The following SGCD variants were observed in gnomAD, a reference collection of about 807,000 sequenced individuals.
SGCD encodes delta-sarcoglycan.
Under a neutral mutation model 36.6 loss-of-function variants are expected in SGCD, and 18 were observed. That is an observed-to-expected ratio of 0.49 (90% CI 0.34 to 0.73). SGCD has a LOEUF of 0.73. Among genes scored for constraint, SGCD ranks in the 30% least tolerant of loss-of-function variants. SGCD has a pLI of 0.01. For synonymous variants in SGCD, 133 were observed against 130.6 expected, an observed-to-expected ratio of 1.02 and a Z score of -0.12; for missense variants, 387 against 346.7, an observed-to-expected ratio of 1.12 and a Z score of -0.92.
At chr5:156,643,973 A>G (rs1435698500) in intron 6 of SGCD, among the ~76,000 whole-genome samples, 1 of 152,140 alleles carries the variant, frequency 6.6e-6, no homozygotes, top group African/African-American at 2.4e-5. Flanking sequence ...TTTAGTTCAT[A>G]TTCATTAATA....
chr5:156,245,422 A>G (rs908618226), intron 3 of SGCD, among the ~76,000 whole-genome samples: 1 of 152,230 alleles, frequency 6.6e-6, no homozygotes, highest in Non-Finnish European at 1.5e-5. Context: ...TTGAGATAAT[A>G]GAACCAGGCA....
rs370383940 is a variant in SGCD at position 156,720,776 on chromosome 5, C to T, written c.576-36805C>T. ...ACCTTTTGCTCATAAAGTTTGCTTT[C>T]TAAGGATTACTACTTTGGTCCAGAT... is the stretch of plus-strand genomic sequence containing the variant. On this transcript the variant is annotated intron_variant, in intron 7 of 8. Transcript: ENST00000337851. Among the ~76,000 whole-genome samples, 4 of 152,282 alleles carry T rather than the reference C, an allele frequency of 2.6e-5. No individual in the cohort carries two copies. The East Asian group carries it at 7.7e-4, about 29-fold the overall frequency.
In SGCD at chr5:156,414,911, C is replaced by A. The variant is rs116936502; in HGVS notation, c.192+70234C>A. Among the ~76,000 whole-genome samples the A allele has an allele frequency of 3.4e-4, 52 of 152,256 alleles. No individual in the cohort carries two copies. In the East Asian group the frequency reaches 8.9e-3, roughly 26 times the overall value. On this transcript the variant is annotated intron_variant, in intron 3 of 8. Coordinates refer to ENST00000337851, the MANE Select transcript of SGCD (RefSeq NM_000337.6). ...AGGCACTACTATTGTGATGAAAAAT[C>A]AGATTTTGCACTGTTCTAGGTAGCT... is the stretch of plus-strand genomic sequence containing the variant.
rs114886317 is a variant in SGCD at position 156,111,697 on chromosome 5, C to T, written c.-281-6181C>T. On this transcript the variant is annotated intron_variant, in intron 1 of 9. Coordinates refer to the SGCD transcript ENST00000517913. ...AAAAGCAGTCACAATTAATCCTTTA[C>T]CATGTATGTGCACATGGATTGTGGA... Among the ~76,000 whole-genome samples the T allele has an allele frequency of 5.0e-3, 760 of 152,174 alleles. 5 individuals carry two copies. The highest frequency in any genetic ancestry group is 0.018 in the African/African-American group (735 of 41,532).
intron 3 of SGCD, among the ~76,000 whole-genome samples, chr5:156,438,453 A>T (rs1753338386): frequency 6.6e-6 from 1 of 152,074 alleles, no homozygotes; most frequent in Non-Finnish European, 1.5e-5. Context: ...CTTTTTCAAA[A>T]GGTTGTTTTT....
At position 156,757,581 on chromosome 5, in the gene SGCD, G is replaced by A; in HGVS notation, c.576G>A (p.Arg192=). ...ATTGACGATCTTGGGTGTTTTTCAG[G>A]TTGGAGTCCCCAACCCGGTCTCTAG... ...NVRADPFKEL[R]LESPTRSLVM... is the part of the protein sequence containing the mutation. Residue 192 remains arginine (R), a splice_region_variant and synonymous_variant, in exon 8 of 9, where the codon AGG becomes AGA. Transcript: ENST00000337851. 3 of 1,595,504 alleles carry A rather than the reference G, an allele frequency of 1.9e-6. No homozygotes were observed. The highest frequency in any genetic ancestry group is 2.2e-5 in the East Asian group (1 of 44,606).
At chr5:156,186,769 T>C (rs1326010894) in intron 3 of SGCD, among the ~76,000 whole-genome samples, 1 of 152,226 alleles carries the variant, frequency 6.6e-6, no homozygotes, top group African/African-American at 2.4e-5. Context: ...TTCAAGACCC[T>C]GAAATCTCTG....
intron 4 of SGCD, among the ~76,000 whole-genome samples, chr5:156,552,885 A>G (rs1192569967): frequency 1.3e-5 from 2 of 152,002 alleles, no homozygotes; most frequent in African/African-American, 4.8e-5. Context: ...AGCTCCTTCC[A>G]CCTTAAAGAG....
In SGCD at chr5:155,922,875, G is replaced by A. The variant is rs549592671; in HGVS notation, c.-282+52451G>A. On this transcript the variant is annotated intron_variant, in intron 1 of 9. Transcript: ENST00000517913. Reference sequence around the variant, plus strand: ...GACCAATAAATCACCAGAAGCTCCAGCCCAATCAATGCCCACTGAAAAATT... The same window carrying A: ...GACCAATAAATCACCAGAAGCTCCAACCCAATCAATGCCCACTGAAAAATT... 3.9e-5 allele frequency among the ~76,000 whole-genome samples: 6 copies of A among 152,290 alleles called. No homozygotes were observed. The South Asian group carries it at 1.0e-3, about 26-fold the overall frequency.
intron 3 of SGCD, among the ~76,000 whole-genome samples, chr5:156,468,240 C>G (rs1425628054): frequency 1.3e-5 from 2 of 149,436 alleles, no homozygotes; most frequent in African/African-American, 2.5e-5. Context: ...ACTTGGGAGG[C>G]TAAGGTGGGA....
intron 3 of SGCD, among the ~76,000 whole-genome samples, chr5:156,185,506 G>A (rs533179514): frequency 5.2e-4 from 79 of 152,086 alleles, no homozygotes; most frequent in East Asian, 7.7e-4. Context: ...GAGCCACCGC[G>A]CCTGGCCTCT....
intron 1 of SGCD, among the ~76,000 whole-genome samples, chr5:155,950,370 C>T (rs1489079195): frequency 6.6e-6 from 1 of 152,140 alleles, no homozygotes; most frequent in East Asian, 1.9e-4. Context: ...AATAATTGAA[C>T]TGTCTTAGGT....
At chr5:156,549,393 T>C (rs1334748705) in intron 4 of SGCD, among the ~76,000 whole-genome samples, 1 of 152,238 alleles carries the variant, frequency 6.6e-6, no homozygotes, top group Admixed American at 6.5e-5. Context: ...CTGTTGAACA[T>C]ACTTGGCTGC....
Position 156,153,329 on chromosome 5 carries a change from A to G in SGCD, c.-44+29310A>G, listed in dbSNP as rs148923656. Among the ~76,000 whole-genome samples the G allele has an allele frequency of 7.9e-3, 1,195 of 151,168 alleles. 9 individuals carry two copies. Among genetic ancestry groups the G allele is most frequent in the Middle Eastern group, 0.014 (4 of 292 alleles). Reference sequence around the variant, plus strand: ...GTGTATGGAAATCCAGGCTGTGATGAGGTTTTTAACGTGGGCCTTGGTTTT... The same window carrying G: ...GTGTATGGAAATCCAGGCTGTGATGGGGTTTTTAACGTGGGCCTTGGTTTT... On this transcript the variant is annotated intron_variant, in intron 3 of 9. Transcript: ENST00000517913.
At chr5:156,496,240 C>T (rs546212097) in intron 3 of SGCD, among the ~76,000 whole-genome samples, 2 of 152,214 alleles carry the variant, frequency 1.3e-5, no homozygotes, top group Middle Eastern at 3.4e-3. Flanking sequence ...ACAGGTTTGT[C>T]TGTGTTTGAC....
intron 1 of SGCD, among the ~76,000 whole-genome samples, chr5:156,099,793 A>G (rs1761475958): frequency 6.6e-6 from 1 of 151,954 alleles, no homozygotes; most frequent in African/African-American, 2.4e-5. Flanking sequence ...TAATAAATAT[A>G]TTATTATAAA....
intron 3 of SGCD, among the ~76,000 whole-genome samples, chr5:156,487,244 A>C (rs1361717587): frequency 6.6e-6 from 1 of 152,218 alleles, no homozygotes; most frequent in East Asian, 1.9e-4. Flanking sequence ...GACACCATTC[A>C]TTCTAATTAA....
chr5:156,456,795 T>C lies in SGCD; in HGVS notation c.193-51806T>C, dbSNP rs141556094. Among the ~76,000 whole-genome samples, 8 of 152,332 alleles carry C rather than the reference T, an allele frequency of 5.3e-5. No individual in the cohort carries two copies. The East Asian group carries it at 1.5e-3, about 29-fold the overall frequency. ...TTGTTTTAAGGCCACAAGTTGTAGGTATTTTGTTACAGGAGCCTTAAGAAT... is the reference window on the plus strand; with the variant it reads ...TTGTTTTAAGGCCACAAGTTGTAGGCATTTTGTTACAGGAGCCTTAAGAAT... On this transcript the variant is annotated intron_variant, in intron 3 of 8. Coordinates refer to ENST00000337851, the MANE Select transcript of SGCD (RefSeq NM_000337.6).
intron 3 of SGCD, among the ~76,000 whole-genome samples, chr5:156,185,621 T>A (rs994312627): frequency 2.6e-5 from 4 of 151,770 alleles, no homozygotes; most frequent in African/African-American, 9.7e-5. Flanking sequence ...AGTTGTCTGA[T>A]ATGTACAAAT....
Sources: gnomAD v4.1 joint callset for allele counts (sites outside exome capture counted in the v4.1 genomes callset) on GRCh38, gnomAD v4.1.1 for gene constraint, MANE v1.5 for transcripts, NCBI Gene and HGNC (gene_info 2026-07-23, HGNC 2026-07-21) for gene names.